CYP4B1: variants seen among roughly 807,000 people sequenced by gnomAD.
The protein encoded by CYP4B1 is cytochrome P450 4B1.
Under a neutral mutation model 54.0 loss-of-function variants are expected in CYP4B1, and 45 were observed. The observed-to-expected ratio is 0.83, with a 90% CI of 0.66 to 1.07. The LOEUF is 1.07. Among genes scored for constraint, CYP4B1 ranks in the 50% least tolerant of loss-of-function variants. The probability of loss-of-function intolerance (pLI) is 0.00; values close to 1 mark genes in which losing one functional copy is unlikely to be tolerated. For synonymous variants in CYP4B1, 248 were observed against 247.5 expected (o/e 1.00, Z -0.02); for missense variants, 656 against 655.4 (o/e 1.00, Z -0.01).
chr1:46,807,828 C>A (rs1467477952), intron 1 of CYP4B1, among the ~76,000 whole-genome samples: 3 of 152,150 alleles, frequency 2.0e-5, no homozygotes, highest in Non-Finnish European at 2.9e-5. Flanking sequence ...TCCCATGAGC[C>A]CTTGGAGATA....
intron 5 of CYP4B1, 82 bp from the exon 6 acceptor site, chr1:46,813,827 G>T: frequency 6.5e-7 from 1 of 1,545,546 alleles, no homozygotes; most frequent in Non-Finnish European, 8.8e-7. Context: ...TGTGGTTGGG[G>T]CTAGATTCCT....
At chr1:46,809,918 A>G (rs951716626) in intron 1 of CYP4B1, among the ~76,000 whole-genome samples, 4 of 152,204 alleles carry the variant, frequency 2.6e-5, no homozygotes, top group African/African-American at 9.7e-5. Flanking sequence ...GTATAACTTC[A>G]TTTACTTAAA....
intron 8 of CYP4B1, 76 bp downstream of exon 8, chr1:46,815,340 C>T: frequency 7.4e-7 from 1 of 1,358,488 alleles, no homozygotes; most frequent in Non-Finnish European, 9.9e-7. Flanking sequence ...CTGAACCATC[C>T]TGGAAATCAG....
rs968466159 is a variant in CYP4B1, at chr1:46,819,066, G to A, written c.*252G>A. 25 of 377,974 alleles carry A rather than the reference G, an allele frequency of 6.6e-5. No homozygotes were observed. The highest frequency in any genetic ancestry group is 5.9e-4 in the Admixed American group (14 of 23,616). The allele number at this position is 377,974 out of a possible 1,614,324, so 23.4% of individuals were successfully genotyped here. A position where few individuals can be genotyped will look rare whatever the true frequency, so the allele number is the denominator to read the frequency against. ...CAAACATTTGGTGAGCACCTATTTC[G>A]TTCGAGAAACTTCATTTATCTCCTA... On this transcript the variant is annotated 3_prime_UTR_variant, in exon 12 of 12. Transcript: ENST00000371923.
Position 46,817,955 on chromosome 1 carries a change from C to T in CYP4B1, c.1208-10C>T, listed in dbSNP as rs4646496. The T allele has an allele frequency of 3.8e-3, 6,111 of 1,614,060 alleles. 148 individuals carry two copies. The East Asian group carries it at 0.064, about 17-fold the overall frequency. ...GACTACCTGGTCACCAACCTCTGTT[C>T]TGCCCACAGGAAGCCTGATCTCTAT... On this transcript the variant is annotated splice_polypyrimidine_tract_variant and intron_variant, in intron 9 of 11. Transcript: ENST00000371923.
At chr1:46,812,013 T>C (rs1363518730) in intron 3 of CYP4B1, among the ~76,000 whole-genome samples, 1 of 152,204 alleles carries the variant, frequency 6.6e-6, no homozygotes, top group East Asian at 1.9e-4. Flanking sequence ...AAGACAGGAA[T>C]GCATTTCCAT....
intron 9 of CYP4B1, chr1:46,817,449 A>T (rs55948100): frequency 5.9e-6 from 3 of 511,040 alleles, no homozygotes; most frequent in Non-Finnish European, 1.1e-5. Context: ...CAAGGCTGCC[A>T]TGTACCACCA....
chr1:46,817,186 GA>G lies in CYP4B1; in HGVS notation c.1207+6del. The G allele has an allele frequency of 6.2e-7, 1 of 1,614,082 alleles. No homozygotes were observed. Among genetic ancestry groups the G allele is most frequent in the Non-Finnish European group, 8.5e-7 (1 of 1,179,952 alleles). On this transcript the variant is annotated splice_donor_region_variant and intron_variant, in intron 9 of 11. Coordinates refer to ENST00000371923, the MANE Select transcript of CYP4B1 (RefSeq NM_001099772.2). ...ATGGCCGGTCTCTACCTGCAGGTGG[GA>G]TGGGTGGATTTGGGGGTGGAAAAGG...
intron 8 of CYP4B1, among the ~76,000 whole-genome samples, chr1:46,816,541 T>C (rs186716286): frequency 2.3e-4 from 35 of 148,984 alleles, no homozygotes; most frequent in Middle Eastern, 3.4e-3. Flanking sequence ...TAGTTGGATG[T>C]CACATTTGGG....
chr1:46,815,158 A>G lies in CYP4B1; in HGVS notation c.967A>G (p.Ser323Gly), dbSNP rs45467195. 18,223 of 1,613,692 alleles carry G rather than the reference A, an allele frequency of 0.011. 143 individuals are homozygous for G. Among genetic ancestry groups the G allele is most frequent in the Non-Finnish European group, 0.013 (14,890 of 1,179,558 alleles). ...FMFEGHDTTT[S>G]GISWFLYCMA... ...GTTTGAAGGCCATGACACCACCACC[A>G]GTGGTATCTCCTGGTTTCTCTACTG... The change falls in exon 8 of 12, where the codon AGT becomes GGT. Residue 323 changes from serine (S) to glycine (G), a missense_variant. Ser to Gly is a moderately conservative substitution (Grantham distance 56). Coordinates refer to ENST00000371923, the MANE Select transcript of CYP4B1 (RefSeq NM_001099772.2).
At chr1:46,818,301 C>A in intron 11 of CYP4B1, 88 bp downstream of exon 11, 1 of 1,228,824 alleles carries the variant, frequency 8.1e-7, no homozygotes, top group Non-Finnish European at 1.2e-6. Flanking sequence ...AGAAGGTACT[C>A]TGAATAAAGG....
At chr1:46,817,916 G>A in intron 9 of CYP4B1, 49 bp from the exon 10 acceptor site, 1 of 1,545,022 alleles carries the variant, frequency 6.5e-7, no homozygotes. Context: ...GTGGAGGTAG[G>A]CCTGGCTACC....
Position 46,818,476 on chromosome 1 carries a change from C to A in CYP4B1, c.1356-155C>A, listed in dbSNP as rs182895572. On this transcript the variant is annotated intron_variant, in intron 11 of 11. Transcript: ENST00000371923. Reference sequence around the variant, plus strand: ...TACCTGGTCTGGGACCCTCACCATGCTCCCAAGGTTTGTTTCATAAGCCCA... The same window carrying A: ...TACCTGGTCTGGGACCCTCACCATGATCCCAAGGTTTGTTTCATAAGCCCA... Among the ~76,000 whole-genome samples the A allele has an allele frequency of 3.8e-3, 578 of 152,324 alleles. 2 individuals are homozygous for A. Among genetic ancestry groups the A allele is most frequent in the Non-Finnish European group, 6.1e-3 (418 of 68,028 alleles).
Position 46,814,042 on chromosome 1 carries a change from C to T in CYP4B1, c.754C>T (p.Gln252Ter). ...PHGRRFLRACQVAHDHTDQVI... is the reference protein window; with the variant it reads ...PHGRRFLRAC The stretch of plus-strand genomic sequence containing the variant: ...TGGCCGCCGCTTCCTGCGGGCCTGC[C>T]AGGTGGCCCATGACCATACAGGTGG... Residue 252 changes from glutamine to a stop codon, truncating the protein, a stop_gained, in exon 6 of 12, where the codon CAG (glutamine) becomes TAG (stop). Transcript: ENST00000371923. LOFTEE classifies it high-confidence loss of function. The T allele has an allele frequency of 6.2e-7, 1 of 1,614,114 alleles. No homozygotes were observed. Among genetic ancestry groups the T allele is most frequent in the Non-Finnish European group, 8.5e-7 (1 of 1,180,010 alleles).
intron 5 of CYP4B1, 124 bp downstream of exon 5, chr1:46,813,730 CG>C: frequency 6.8e-7 from 1 of 1,473,190 alleles, no homozygotes; most frequent in Non-Finnish European, 9.2e-7. Flanking sequence ...CCTTAGCTTG[CG>C]GGGAGACAGG....
In CYP4B1 at chr1:46,817,062, A is replaced by T. The variant is rs201497628; in HGVS notation, c.1088A>T (p.Lys363Ile). 3.1e-6 allele frequency: 5 copies of T among 1,614,072 alleles called. No individual in the cohort carries two copies. Among genetic ancestry groups the T allele is most frequent in the Non-Finnish European group, 4.2e-6 (5 of 1,179,970 alleles). Residue 363 changes from lysine to isoleucine, a missense_variant, in exon 9 of 12, where the codon AAA becomes ATA. Lys to Ile is a moderately radical substitution (Grantham distance 102). Transcript: ENST00000371923. ...GTTGCTGGCAGGGATGATCTGGGCAAAATGACTTATCTGACCATGTGCATC... is the reference window on the plus strand; with the variant it reads ...GTTGCTGGCAGGGATGATCTGGGCATAATGACTTATCTGACCATGTGCATC... The part of the protein sequence containing the change: ...QDFFQWDDLG[K>I]MTYLTMCIKE...
rs148067942 is a variant in CYP4B1, at chr1:46,814,981, C to G, written c.883-93C>G. ...CTGAAAAGGAGCTTTCACTCCCTCC[C>G]AGAGACCTTCATTTGACAACCACCA... On this transcript the variant is annotated intron_variant, in intron 7 of 11. Coordinates refer to ENST00000371923, the MANE Select transcript of CYP4B1 (RefSeq NM_001099772.2). 3.9e-4 allele frequency: 454 copies of G among 1,156,478 alleles called. 4 individuals carry two copies. In the East Asian group the frequency reaches 5.0e-3, roughly 13 times the overall value. 71.6% of individuals were successfully genotyped at this position (1,156,478 alleles called of 1,614,324 possible). A position where few individuals can be genotyped will look rare whatever the true frequency, so the allele number is the denominator to read the frequency against.
Position 46,799,200 on chromosome 1 carries a change from C to T in CYP4B1, c.119C>T (p.Ala40Val), listed in dbSNP as rs1303632928. The T allele has an allele frequency of 2.5e-6, 4 of 1,608,940 alleles. No individual in the cohort carries two copies. The highest frequency in any genetic ancestry group is 1.6e-4 in the Middle Eastern group (1 of 6,082). Residue 40 changes from alanine to valine, a missense_variant, in exon 1 of 12, where the codon GCT becomes GTT. Transcript: ENST00000371923. ...CTGCTGCTGCGGAGGCAGACGTTGG[C>T]TAAGGCTATGGACAAATTCCCAGGG... ...IHLLLRRQTL[A>V]KAMDKFPGPP...
At chr1:46,807,698 T>C (rs1259428636) in intron 1 of CYP4B1, among the ~76,000 whole-genome samples, 1 of 152,180 alleles carries the variant, frequency 6.6e-6, no homozygotes, top group Non-Finnish European at 1.5e-5. Context: ...GGATTCTGCG[T>C]TCAGAGGCAG....
Sources: gnomAD v4.1 joint callset for allele counts (sites outside exome capture counted in the v4.1 genomes callset) on GRCh38, gnomAD v4.1.1 for gene constraint, MANE v1.5 for transcripts, NCBI Gene and HGNC (gene_info 2026-07-23, HGNC 2026-07-21) for gene names.